RANBP2: variants seen among roughly 807,000 people sequenced by gnomAD.
The protein encoded by RANBP2 is E3 SUMO-protein ligase RanBP2.
RANBP2 carries 57 observed loss-of-function variants against 303.6 expected under a neutral mutation model. The ratio of observed to expected loss-of-function variants is 0.19; its 90% CI spans 0.15 to 0.23. The LOEUF (loss-of-function observed/expected upper bound fraction) is 0.23. Ranked by LOEUF, RANBP2 falls within the 10% of genes least tolerant of loss-of-function variation. RANBP2 has a pLI of 1.00. For synonymous variants in RANBP2, 1,167 were observed against 1,301.5 expected (o/e 0.90, Z 2.23); for missense variants, 3,138 against 3,780.8 (o/e 0.83, Z 4.46).
chr2:109,747,458 G>A, the RANBP2 span, among the ~76,000 whole-genome samples: 1 of 147,350 alleles, frequency 6.8e-6, no homozygotes, highest in African/African-American at 2.6e-5. Flanking sequence ...GTTCAAGGAC[G>A]ACTTTGCCCT....
At chr2:109,071,854 C>T in the RANBP2 span, among the ~76,000 whole-genome samples, 4 of 152,094 alleles carry the variant, frequency 2.6e-5, no homozygotes, top group African/African-American at 7.2e-5. Context: ...CAAGAGCAAA[C>T]ACAGGAACAT....
At chr2:109,419,638 A>G in the RANBP2 span, 6 of 1,575,100 alleles carry the variant, frequency 3.8e-6, no homozygotes, top group Non-Finnish European at 2.6e-6. Context: ...GCTGCCCCTC[A>G]ACGTGTGAGC....
At chr2:109,582,661 A>G in the RANBP2 span, among the ~76,000 whole-genome samples, 1 of 152,192 alleles carries the variant, frequency 6.6e-6, no homozygotes, top group Admixed American at 6.5e-5. Flanking sequence ...CATTTTTCAC[A>G]GAATTAGAAA....
the RANBP2 span, among the ~76,000 whole-genome samples, chr2:108,938,145 C>T: frequency 6.6e-6 from 1 of 152,200 alleles, no homozygotes; most frequent in Non-Finnish European, 1.5e-5. Context: ...GCAGGAAGAG[C>T]ATGGAAAATC....
At chr2:109,490,454 G>C in the RANBP2 span, 4 of 640,264 alleles carry the variant, frequency 6.2e-6, no homozygotes, top group Non-Finnish European at 9.5e-6. Flanking sequence ...TCTGGCTACT[G>C]CTGTTGCTGT....
At chr2:109,249,568 C>T in the RANBP2 span, among the ~76,000 whole-genome samples, 3 of 128,822 alleles carry the variant, frequency 2.3e-5, no homozygotes, top group South Asian at 2.4e-4. Context: ...TCCTTCCTTC[C>T]TTCCTTCCTT....
chr2:109,458,728 A>G, the RANBP2 span, among the ~76,000 whole-genome samples: 1 of 152,258 alleles, frequency 6.6e-6, no homozygotes, highest in African/African-American at 2.4e-5. Flanking sequence ...ATCATTGTCC[A>G]CAGGATGCCT....
At chr2:109,131,645 T>C in the RANBP2 span, among the ~76,000 whole-genome samples, 1 of 152,284 alleles carries the variant, frequency 6.6e-6, no homozygotes, top group Non-Finnish European at 1.5e-5. Context: ...GGCTGAAGCT[T>C]TGATGCCACT....
chr2:109,280,930 G>GGT, the RANBP2 span, among the ~76,000 whole-genome samples: 1 of 152,212 alleles, frequency 6.6e-6, no homozygotes, highest in Non-Finnish European at 1.5e-5. Flanking sequence ...ACTAAAGCTT[G>GGT]GTACTAGGAA....
intron 2 of RANBP2, 62 bp downstream of exon 2, chr2:108,729,261 T>G: frequency 6.7e-7 from 1 of 1,493,918 alleles, no homozygotes; most frequent in Non-Finnish European, 9.0e-7. Context: ...CATTTTCTTC[T>G]TTGAAATAGG....
chr2:109,296,692 T>C, the RANBP2 span, among the ~76,000 whole-genome samples: 585 of 152,208 alleles, frequency 3.8e-3, 5 homozygotes, highest in African/African-American at 0.013. Context: ...GCAGGTGTCA[T>C]GGGCAGCAGA....
At chr2:109,129,833 G>C in the RANBP2 span, 3 of 1,535,764 alleles carry the variant, frequency 2.0e-6, no homozygotes, top group African/African-American at 1.4e-5. Context: ...CCCGAGTGCC[G>C]CATCCTGGTG....
chr2:109,387,856 G>T, the RANBP2 span, among the ~76,000 whole-genome samples: 1 of 134,334 alleles, frequency 7.4e-6, no homozygotes, highest in Non-Finnish European at 1.5e-5. Flanking sequence ...GCCCCAGATG[G>T]TTGGGGGGGG....
the RANBP2 span, among the ~76,000 whole-genome samples, chr2:109,596,606 C>A: frequency 6.6e-6 from 1 of 150,988 alleles, no homozygotes; most frequent in African/African-American, 2.4e-5. Flanking sequence ...GACAGCGAGA[C>A]TCCATCTCAA....
chr2:109,450,115 G>A, the RANBP2 span, among the ~76,000 whole-genome samples: 1 of 152,220 alleles, frequency 6.6e-6, no homozygotes, highest in Non-Finnish European at 1.5e-5. Flanking sequence ...GGAGGCTGAG[G>A]CGGGCGGATC....
the RANBP2 span, among the ~76,000 whole-genome samples, chr2:108,827,344 T>G: frequency 6.6e-6 from 1 of 152,054 alleles, no homozygotes; most frequent in Non-Finnish European, 1.5e-5. Flanking sequence ...CAATACCAAA[T>G]TTACAAAGCT....
the RANBP2 span, among the ~76,000 whole-genome samples, chr2:109,313,293 C>T: frequency 6.6e-6 from 1 of 152,232 alleles, no homozygotes; most frequent in Admixed American, 6.5e-5. Context: ...ACCTGCTGTA[C>T]ATCCATCCCA....
chr2:108,817,855 G>T, the RANBP2 span, among the ~76,000 whole-genome samples: 2 of 152,162 alleles, frequency 1.3e-5, no homozygotes, highest in Admixed American at 1.3e-4. Context: ...TGTGGTATTT[G>T]TTACGGCAGC....
the RANBP2 span, among the ~76,000 whole-genome samples, chr2:109,538,570 G>A: frequency 6.6e-6 from 1 of 152,254 alleles, no homozygotes; most frequent in Non-Finnish European, 1.5e-5. Context: ...AGGCCAGAGT[G>A]CAGTGGCATG....
Sources: allele counts gnomAD v4.1 joint callset (sites outside exome capture counted in the v4.1 genomes callset), GRCh38; gene constraint gnomAD v4.1.1; transcripts MANE v1.5; gene names NCBI Gene and HGNC (gene_info 2026-07-23, HGNC 2026-07-21).